The following KCNN2 variants were observed in gnomAD, a reference collection of about 807,000 sequenced individuals.
KCNN2 encodes potassium calcium-activated channel subfamily N member 2, also known as small conductance calcium-activated potassium channel protein 2.
A neutral mutation model predicts 55.5 loss-of-function variants in KCNN2; 24 were observed. The observed-to-expected ratio is 0.43, with a 90% CI of 0.31 to 0.61. The LOEUF (loss-of-function observed/expected upper bound fraction) is 0.61, where lower values mean the gene tolerates loss of function less well. KCNN2 is among the 20% of genes least tolerant of loss of function. KCNN2 has a pLI of 0.08. For missense variants in KCNN2, 754 were observed against 853.6 expected (o/e 0.88, Z 1.45); for synonymous variants, 431 against 336.1 (o/e 1.28, Z -3.09).
At chr5:114,364,383 G>A (rs1026283785) in intron 2 of KCNN2, among the ~76,000 whole-genome samples, 16 of 152,174 alleles carry the variant, frequency 1.1e-4, no homozygotes, top group African/African-American at 3.9e-4. Context: ...CGTCATTATG[G>A]GAGATTGTAT....
At position 114,211,255 on chromosome 5, in the gene KCNN2, G is replaced by A. The variant is rs547671826; in HGVS notation, c.-270-10225G>A. 3.9e-5 allele frequency among the ~76,000 whole-genome samples: 6 copies of A among 152,204 alleles called. No individual in the cohort carries two copies. The South Asian group carries it at 1.2e-3, about 32-fold the overall frequency. On this transcript the variant is annotated intron_variant, in intron 1 of 10. Transcript: ENST00000512097. ...AAATTGTTCTGTCATAAAAACACAT[G>A]CACAAGTATGTTCACTGCAGCAATA...
At chr5:114,491,433 T>C (rs1442295826) in intron 6 of KCNN2, among the ~76,000 whole-genome samples, 4 of 150,292 alleles carry the variant, frequency 2.7e-5, no homozygotes, top group Admixed American at 6.7e-5. Context: ...CGTCAATTGA[T>C]AGTTGAAACA....
chr5:114,406,101 A>G (rs971394224), intron 3 of KCNN2, among the ~76,000 whole-genome samples: 58 of 133,968 alleles, frequency 4.3e-4, no homozygotes, highest in South Asian at 1.4e-3. Context: ...GAGTTGCTGG[A>G]AAAAAAAAAA....
At chr5:114,105,683 A>G (rs1346770256) in intron 1 of KCNN2, among the ~76,000 whole-genome samples, 2 of 152,030 alleles carry the variant, frequency 1.3e-5, no homozygotes, top group African/African-American at 4.8e-5. Flanking sequence ...TTGCTAATGG[A>G]TTATCATATT....
rs189491191 is a variant in KCNN2 at position 114,330,396 on chromosome 5, G to A, written c.-184-30549G>A. The stretch of plus-strand genomic sequence containing the variant: ...ACCATTTTTGAATCCCTAGCAATAC[G>A]CAGACTTAATTTACATACTTATTAC... On this transcript the variant is annotated intron_variant, in intron 2 of 10. Coordinates refer to the KCNN2 transcript ENST00000512097. 4.6e-5 allele frequency among the ~76,000 whole-genome samples: 7 copies of A among 152,250 alleles called. No homozygotes were observed. The East Asian group carries it at 1.4e-3, about 29-fold the overall frequency.
At chr5:114,251,393 A>T (rs1370236984) in intron 2 of KCNN2, among the ~76,000 whole-genome samples, 1 of 152,260 alleles carries the variant, frequency 6.6e-6, no homozygotes, top group Non-Finnish European at 1.5e-5. Context: ...TGAACAAATT[A>T]CTTAACTTTT....
At chr5:114,451,649 C>T (rs987176013) in intron 3 of KCNN2, among the ~76,000 whole-genome samples, 5 of 152,106 alleles carry the variant, frequency 3.3e-5, no homozygotes, top group Admixed American at 3.3e-4. Context: ...GTAATCCCAG[C>T]ACTTTGGGAG....
At chr5:114,169,119 G>T (rs912997667) in intron 1 of KCNN2, among the ~76,000 whole-genome samples, 9 of 152,176 alleles carry the variant, frequency 5.9e-5, no homozygotes, top group Middle Eastern at 3.4e-3. Context: ...ATGATTTTAA[G>T]TTTCCTGAGG....
At position 114,485,482 on chromosome 5, in the gene KCNN2, G is replaced by A. The variant is rs1459787; in HGVS notation, c.1891-1568G>A. On this transcript the variant is annotated intron_variant, in intron 5 of 7. Coordinates refer to ENST00000673685, the MANE Select transcript of KCNN2 (RefSeq NM_021614.4). ...TGCACTCATTTCCTTACCTTTGAAA[G>A]GACATGAGGATCAGATGAAAAAAGC... Among the ~76,000 whole-genome samples the A allele has an allele frequency of 5.3e-5, 8 of 152,236 alleles. No individual in the cohort carries two copies. In the South Asian group the frequency reaches 1.7e-3, roughly 32 times the overall value.
At chr5:114,367,517 A>G (rs1316624648) in intron 2 of KCNN2, among the ~76,000 whole-genome samples, 2 of 152,224 alleles carry the variant, frequency 1.3e-5, no homozygotes, top group Non-Finnish European at 2.9e-5. Context: ...TCATGACCTT[A>G]TGACAAAAGA....
chr5:114,283,508 A>T (rs1328164748), intron 2 of KCNN2, among the ~76,000 whole-genome samples: 1 of 152,136 alleles, frequency 6.6e-6, no homozygotes, highest in Non-Finnish European at 1.5e-5. Context: ...GATGGTTTGC[A>T]AATATAGATT....
intron 3 of KCNN2, among the ~76,000 whole-genome samples, chr5:114,459,338 A>C (rs1232755519): frequency 6.6e-6 from 1 of 152,204 alleles, no homozygotes; most frequent in Non-Finnish European, 1.5e-5. Context: ...AATTTGTACA[A>C]ATCATTTCTT....
At chr5:114,389,578 GT>G (rs1205958163) in intron 2 of KCNN2, among the ~76,000 whole-genome samples, 2 of 152,128 alleles carry the variant, frequency 1.3e-5, no homozygotes, top group African/African-American at 2.4e-5. Flanking sequence ...CTGTTAACAT[GT>G]GGTTAGTTAA....
chr5:114,255,131 G>T (rs1328527238), intron 2 of KCNN2, among the ~76,000 whole-genome samples: 1 of 152,166 alleles, frequency 6.6e-6, no homozygotes, highest in Admixed American at 6.5e-5. Context: ...CATTTAATAT[G>T]TATAAGTTAC....
chr5:114,218,639 CT>C (rs1173218635), intron 1 of KCNN2, among the ~76,000 whole-genome samples: 3 of 152,198 alleles, frequency 2.0e-5, no homozygotes, highest in Non-Finnish European at 4.4e-5. Flanking sequence ...GTGAATTACT[CT>C]GTTTAATGGT....
chr5:114,237,256 TCACACACACA>T (rs10643853), intron 2 of KCNN2, among the ~76,000 whole-genome samples: 105 of 138,596 alleles, frequency 7.6e-4, no homozygotes, highest in African/African-American at 2.0e-3. Context: ...TTGTCAAAAT[TCACACACACA>T]CACACACACA....
chr5:114,335,311 C>T (rs1435982881), intron 2 of KCNN2, among the ~76,000 whole-genome samples: 1 of 152,074 alleles, frequency 6.6e-6, no homozygotes, highest in Non-Finnish European at 1.5e-5. Context: ...CAGCTGTATT[C>T]CTACAAAAGT....
rs754474152 is a variant in KCNN2, at chr5:114,116,392, AGAT to A, written c.-271+59894_-271+59896del. On this transcript the variant is annotated intron_variant, in intron 1 of 10. Transcript: ENST00000512097. ...GAATTGGAATTAAAATTGTTTGAAA[AGAT>A]GTTTAAATGTAAGTGATAAGTACAC... Among the ~76,000 whole-genome samples, 11 of 152,282 alleles carry A rather than the reference AGAT, an allele frequency of 7.2e-5. No homozygotes were observed. In the East Asian group the frequency reaches 2.1e-3, roughly 29 times the overall value.
intron 5 of KCNN2, among the ~76,000 whole-genome samples, chr5:114,475,786 A>G (rs1276914674): frequency 2.0e-5 from 3 of 152,168 alleles, no homozygotes; most frequent in South Asian, 2.1e-4. Context: ...ATCTAGATCT[A>G]TGGATTTTGG....
Sources: gnomAD v4.1 joint callset for allele counts (sites outside exome capture counted in the v4.1 genomes callset) on GRCh38, gnomAD v4.1.1 for gene constraint, MANE v1.5 for transcripts, NCBI Gene and HGNC (gene_info 2026-07-23, HGNC 2026-07-21) for gene names.